RBFOX1: variants seen among roughly 807,000 people sequenced by gnomAD.
RBFOX1 encodes RNA binding fox-1 homolog 1, also known as RNA binding protein fox-1 homolog 1.
Under a neutral mutation model 57.7 loss-of-function variants are expected in RBFOX1, and 8 were observed. The observed-to-expected ratio is 0.14, with a 90% CI of 0.08 to 0.25. The LOEUF (loss-of-function observed/expected upper bound fraction) is 0.25, where lower values mean the gene tolerates loss of function less well. RBFOX1 is among the 10% of genes least tolerant of loss of function. The probability of loss-of-function intolerance (pLI) is 1.00; values close to 1 mark genes in which losing one functional copy is unlikely to be tolerated. For synonymous variants in RBFOX1, 326 were observed against 222.4 expected (o/e 1.47, Z -4.15); for missense variants, 611 against 548.5 (o/e 1.11, Z -1.14).
At chr16:5,549,181 C>G (rs184413591) in intron 2 of RBFOX1, among the ~76,000 whole-genome samples, 72 of 152,292 alleles carry the variant, frequency 4.7e-4, no homozygotes, top group Non-Finnish European at 8.7e-4. Context: ...CTGAGGCAGC[C>G]ATGAGCAAGT....
chr16:6,809,549 G>T (rs902343770), intron 3 of RBFOX1, among the ~76,000 whole-genome samples: 4 of 152,102 alleles, frequency 2.6e-5, no homozygotes, highest in African/African-American at 9.7e-5. Context: ...GTGCACCTGA[G>T]ACTATATCCT....
intron 3 of RBFOX1, among the ~76,000 whole-genome samples, chr16:6,816,480 G>A (rs2090093139): frequency 6.7e-6 from 1 of 149,370 alleles, no homozygotes; most frequent in Non-Finnish European, 1.5e-5. Context: ...GGTGGCTTAT[G>A]CCTGTAATCT....
intron 1 of RBFOX1, among the ~76,000 whole-genome samples, chr16:6,100,354 G>A (rs552336053): frequency 6.6e-5 from 10 of 152,148 alleles, no homozygotes; most frequent in Non-Finnish European, 1.3e-4. Flanking sequence ...AGTAGAGACG[G>A]GGTTTCACCA....
At chr16:6,199,493 G>A (rs957780632) in intron 1 of RBFOX1, among the ~76,000 whole-genome samples, 2 of 152,250 alleles carry the variant, frequency 1.3e-5, no homozygotes, top group East Asian at 1.9e-4. Context: ...AATGGATCAC[G>A]TCACCAAAAG....
chr16:6,679,543 TAC>T lies in RBFOX1; in HGVS notation c.-16+24895_-16+24896del, dbSNP rs1307306148. Among the ~76,000 whole-genome samples the T allele has an allele frequency of 6.6e-5, 10 of 152,170 alleles. 1 individual carries two copies. Among genetic ancestry groups the T allele is most frequent in the Admixed American group, 1.3e-4 (2 of 15,276 alleles). ...TCTTACAGAGCAATGGGGAAACATG[TAC>T]AGTCATACCCCTCTCTTCTAGGAGG... is the stretch of plus-strand genomic sequence containing the variant. On this transcript the variant is annotated intron_variant, in intron 3 of 15. Transcript: ENST00000550418.
intron 3 of RBFOX1, among the ~76,000 whole-genome samples, chr16:6,945,073 A>C (rs2079231658): frequency 1.3e-5 from 2 of 152,132 alleles, no homozygotes. Flanking sequence ...GGGTTTGTGA[A>C]GACAGAGCAG....
intron 3 of RBFOX1, among the ~76,000 whole-genome samples, chr16:5,634,206 G>C (rs1004597817): frequency 1.3e-5 from 2 of 152,212 alleles, no homozygotes; most frequent in African/African-American, 4.8e-5. Flanking sequence ...TTGCAAATTT[G>C]ATATACCTGA....
At position 5,783,887 on chromosome 16, in the gene RBFOX1, A is replaced by C. The variant is rs541590304; in HGVS notation, c.319-83416A>C. On this transcript the variant is annotated intron_variant, in intron 3 of 19. Coordinates refer to the RBFOX1 transcript ENST00000641259. ...TCATAATGGGATTGTTGTGGCTTTC[A>C]TGTGTGCATCCCCTCCACAAATTCA... 2.0e-4 allele frequency among the ~76,000 whole-genome samples: 30 copies of C among 152,268 alleles called. No homozygotes were observed. The South Asian group carries it at 5.6e-3, about 28-fold the overall frequency.
intron 4 of RBFOX1, among the ~76,000 whole-genome samples, chr16:7,085,148 G>A (rs919275127): frequency 2.0e-5 from 3 of 152,256 alleles, no homozygotes; most frequent in Admixed American, 6.5e-5. Context: ...ATCAAATAAA[G>A]AGGCTACAAA....
At chr16:6,188,084 G>A (rs8058875) in intron 1 of RBFOX1, among the ~76,000 whole-genome samples, 125,416 of 152,110 alleles carry the variant, frequency 0.82, 53,851 homozygotes, top group Non-Finnish European at 0.95. Context: ...GGCTTTGTGG[G>A]ATCCACGTAT....
At chr16:7,274,534 T>C (rs891905213) in intron 4 of RBFOX1, among the ~76,000 whole-genome samples, 3 of 152,202 alleles carry the variant, frequency 2.0e-5, no homozygotes, top group Non-Finnish European at 4.4e-5. Context: ...TTCTCTGCTC[T>C]GTACTTGCTT....
chr16:6,091,373 C>A (rs1025076956), intron 1 of RBFOX1, among the ~76,000 whole-genome samples: 6 of 152,208 alleles, frequency 3.9e-5, no homozygotes, highest in African/African-American at 1.4e-4. Context: ...AGCACATTGT[C>A]ATACTCTCTC....
intron 2 of RBFOX1, among the ~76,000 whole-genome samples, chr16:6,517,842 A>G (rs546968350): frequency 3.3e-5 from 5 of 152,222 alleles, no homozygotes; most frequent in African/African-American, 4.8e-5. Flanking sequence ...TTAAAAGTAC[A>G]TAACCAGAGA....
chr16:5,833,282 A>G (rs1456447506), intron 3 of RBFOX1, among the ~76,000 whole-genome samples: 2 of 152,116 alleles, frequency 1.3e-5, no homozygotes, highest in Non-Finnish European at 2.9e-5. Flanking sequence ...TCATGAGGTC[A>G]GGAGATCGAG....
rs186492418 is a variant in RBFOX1, at chr16:7,184,337, C to G, written c.27+132239C>G. Among the ~76,000 whole-genome samples the G allele has an allele frequency of 5.9e-5, 9 of 152,244 alleles. No individual in the cohort carries two copies. The East Asian group carries it at 1.7e-3, about 30-fold the overall frequency. On this transcript the variant is annotated intron_variant, in intron 4 of 15. Coordinates refer to ENST00000550418, the MANE Select transcript of RBFOX1 (RefSeq NM_018723.4). Reference sequence around the variant, plus strand: ...CATCCAAATGACAGTGTACTCTGTTCCTTAGCTGAAGAGAGAAAAAAACAG... The same window carrying G: ...CATCCAAATGACAGTGTACTCTGTTGCTTAGCTGAAGAGAGAAAAAAACAG...
chr16:5,619,885 C>G (rs1596479790), intron 3 of RBFOX1, among the ~76,000 whole-genome samples: 2 of 151,810 alleles, frequency 1.3e-5, no homozygotes, highest in African/African-American at 2.4e-5. Flanking sequence ...TGGCCTAAGA[C>G]TTTAAAGAAG....
At chr16:5,705,692 G>A (rs1304184758) in intron 3 of RBFOX1, among the ~76,000 whole-genome samples, 1 of 152,116 alleles carries the variant, frequency 6.6e-6, no homozygotes, top group Non-Finnish European at 1.5e-5. Flanking sequence ...TGACTCATAG[G>A]ACCTCTCATC....
Position 5,676,446 on chromosome 16 carries a change from C to T in RBFOX1, c.318+77485C>T, listed in dbSNP as rs2050171449. 1.3e-5 allele frequency among the ~76,000 whole-genome samples: 2 copies of T among 152,174 alleles called. 1 individual carries two copies. Among genetic ancestry groups the T allele is most frequent in the South Asian group, 4.1e-4 (2 of 4,828 alleles). On this transcript the variant is annotated intron_variant, in intron 3 of 19. Coordinates refer to the RBFOX1 transcript ENST00000641259. Reference sequence around the variant, plus strand: ...AGAGCAGACTCAATCTCACATCTCCCTCTCACTAGCTGTGTGACCTTGAGC... The same window carrying T: ...AGAGCAGACTCAATCTCACATCTCCTTCTCACTAGCTGTGTGACCTTGAGC...
chr16:6,410,042 C>T (rs1207109666), intron 2 of RBFOX1, among the ~76,000 whole-genome samples: 1 of 152,184 alleles, frequency 6.6e-6, no homozygotes, highest in Non-Finnish European at 1.5e-5. Flanking sequence ...AGACTAGGAG[C>T]CCTGCTTCTG....
Sources: gnomAD v4.1 joint callset for allele counts (sites outside exome capture counted in the v4.1 genomes callset) on GRCh38, gnomAD v4.1.1 for gene constraint, MANE v1.5 for transcripts, NCBI Gene and HGNC (gene_info 2026-07-23, HGNC 2026-07-21) for gene names.